The following CLPB variants were observed in gnomAD, a reference collection of about 807,000 sequenced individuals.
CLPB encodes ClpB family mitochondrial disaggregase, also known as mitochondrial disaggregase.
Under a neutral mutation model 78.4 loss-of-function variants are expected in CLPB, and 40 were observed. The ratio of observed to expected loss-of-function variants is 0.51; its 90% CI spans 0.40 to 0.66. The LOEUF (loss-of-function observed/expected upper bound fraction) is 0.66. CLPB is among the 30% of genes least tolerant of loss of function. CLPB has a pLI of 0.00. For missense variants in CLPB, 780 were observed against 886.9 expected (o/e 0.88, Z 1.53); for synonymous variants, 333 against 348.0 (o/e 0.96, Z 0.48).
rs1049729894 is a variant in CLPB at position 72,285,568 on chromosome 11, C to T, written c.*7799G>A. On this transcript the variant is annotated 3_prime_UTR_variant, in exon 16 of 16. Transcript: ENST00000538039. ...ATGTATATTTTAGTATTAAATCATC[C>T]TTTCTAAAACTTGATGTTTTTTCAC... is the stretch of plus-strand genomic sequence containing the variant. 9 of 152,236 alleles carry T rather than the reference C, an allele frequency of 5.9e-5. No individual in the cohort carries two copies. Among genetic ancestry groups the T allele is most frequent in the African/African-American group, 1.7e-4 (7 of 41,546 alleles). 9.4% of individuals were successfully genotyped at this position (152,236 alleles called of 1,614,324 possible). A position where few individuals can be genotyped will look rare whatever the true frequency, so the allele number is the denominator to read the frequency against.
chr11:72,324,761 G>A (rs996763674), intron 6 of CLPB, among the ~76,000 whole-genome samples: 6 of 152,090 alleles, frequency 3.9e-5, no homozygotes, highest in Admixed American at 2.6e-4. Context: ...CCAAGGGGAG[G>A]AAGAACATAA....
At chr11:72,301,751 C>A (rs372519049) in intron 11 of CLPB, 52 bp downstream of exon 11, 12 of 1,578,936 alleles carry the variant, frequency 7.6e-6, no homozygotes, top group Non-Finnish European at 9.5e-6. Context: ...TGTTCACAGT[C>A]CCCCTTATCT....
chr11:72,319,327 A>T (rs1950003866), intron 6 of CLPB, among the ~76,000 whole-genome samples: 1 of 152,226 alleles, frequency 6.6e-6, no homozygotes, highest in African/African-American at 2.4e-5. Context: ...TCCAGTGCCT[A>T]GCAAAGGGCC....
intron 3 of CLPB, among the ~76,000 whole-genome samples, chr11:72,385,710 C>A (rs889905774): frequency 6.6e-6 from 1 of 152,124 alleles, no homozygotes; most frequent in Non-Finnish European, 1.5e-5. Context: ...GTAATCCCAG[C>A]TACTTGGGAG....
At chr11:72,412,341 A>G (rs1185466851) in intron 2 of CLPB, among the ~76,000 whole-genome samples, 1 of 152,228 alleles carries the variant, frequency 6.6e-6, no homozygotes, top group African/African-American at 2.4e-5. Context: ...CAAGGGAGTG[A>G]GAGCAGTGAG....
At chr11:72,383,250 T>C (rs1004186158) in intron 3 of CLPB, among the ~76,000 whole-genome samples, 4 of 151,576 alleles carry the variant, frequency 2.6e-5, no homozygotes, top group Admixed American at 1.3e-4. Context: ...ACAGGCTGGG[T>C]GCGGTGGCTC....
rs374211695 is a variant in CLPB at position 72,293,323 on chromosome 11, C to T, written c.*44G>A. 1.2e-5 allele frequency: 19 copies of T among 1,596,824 alleles called. No homozygotes were observed. In the African/African-American group the frequency reaches 2.1e-4, roughly 18 times the overall value. On this transcript the variant is annotated 3_prime_UTR_variant, in exon 16 of 16. Transcript: ENST00000538039. ...CAGTTGCCATGCCACAGCCAAGGGG[C>T]CTTTATTGGATGGTGAGGGCACATA...
Position 72,368,773 on chromosome 11 carries a change from A to G in CLPB, c.647-9765T>C, listed in dbSNP as rs538723345. ...GACACTGTGTCTTCAACATGTCTTTATCCTTTATATAGAGAAGGCACTCAT... is the reference window on the plus strand; with the variant it reads ...GACACTGTGTCTTCAACATGTCTTTGTCCTTTATATAGAGAAGGCACTCAT... On this transcript the variant is annotated intron_variant, in intron 4 of 15. Transcript: ENST00000538039. 5.9e-5 allele frequency among the ~76,000 whole-genome samples: 9 copies of G among 152,284 alleles called. 1 individual carries two copies. The South Asian group carries it at 1.9e-3, about 32-fold the overall frequency.
intron 4 of CLPB, among the ~76,000 whole-genome samples, chr11:72,377,653 G>C (rs1490623168): frequency 6.8e-6 from 1 of 146,238 alleles, no homozygotes; most frequent in African/African-American, 2.6e-5. Flanking sequence ...GGAAGCAAAG[G>C]GGAAGGGAAG....
At chr11:72,368,946 G>A (rs762676406) in intron 4 of CLPB, among the ~76,000 whole-genome samples, 1 of 152,080 alleles carries the variant, frequency 6.6e-6, no homozygotes, top group African/African-American at 2.4e-5. Context: ...TGTAGCATGG[G>A]GGCTCAGAAT....
intron 4 of CLPB, among the ~76,000 whole-genome samples, chr11:72,363,810 C>T (rs1038416038): frequency 1.3e-5 from 2 of 152,206 alleles, no homozygotes; most frequent in African/African-American, 4.8e-5. Flanking sequence ...TCTGCCAATG[C>T]CCACAGGCCC....
chr11:72,401,333 C>G (rs531221617), intron 3 of CLPB, among the ~76,000 whole-genome samples: 82 of 152,102 alleles, frequency 5.4e-4, no homozygotes, highest in African/African-American at 1.9e-3. Context: ...CCCAGCTACT[C>G]GGGAGGCTGA....
At chr11:72,405,745 G>C (rs541205885) in intron 2 of CLPB, among the ~76,000 whole-genome samples, 3 of 152,164 alleles carry the variant, frequency 2.0e-5, no homozygotes, top group African/African-American at 7.2e-5. Context: ...TGGCTAACAC[G>C]GTGAAACCGC....
intron 3 of CLPB, among the ~76,000 whole-genome samples, chr11:72,394,452 TC>T (rs1490406838): frequency 6.6e-6 from 1 of 151,874 alleles, no homozygotes; most frequent in African/African-American, 2.4e-5. Flanking sequence ...TGCTCTCCTA[TC>T]CCCAACTGCC....
intron 9 of CLPB, chr11:72,303,098 G>A (rs896643475): frequency 6.6e-6 from 1 of 152,248 alleles, no homozygotes; most frequent in Non-Finnish European, 1.5e-5. Flanking sequence ...AGTTAACACA[G>A]GCAGAGTGCC....
At chr11:72,310,231 T>G (rs899472339) in intron 7 of CLPB, among the ~76,000 whole-genome samples, 1 of 152,174 alleles carries the variant, frequency 6.6e-6, no homozygotes, top group Non-Finnish European at 1.5e-5. Context: ...ACTTCTGGCC[T>G]CAGTAGAAAC....
At position 72,380,430 on chromosome 11, in the gene CLPB, CAGG is replaced by C. The variant is rs907477962; in HGVS notation, c.543-49_543-47del. ...AGAAGTGTCAAAAGCAAGAAAGGCCCAGGAGGTACAGACCCAGATCCGGAAGCA... is the reference window on the plus strand; with the variant it reads ...AGAAGTGTCAAAAGCAAGAAAGGCCCAGGTACAGACCCAGATCCGGAAGCA... On this transcript the variant is annotated intron_variant, in intron 3 of 15. Coordinates refer to ENST00000538039, the MANE Select transcript of CLPB (RefSeq NM_001258392.3). The C allele has an allele frequency of 1.2e-5, 18 of 1,468,880 alleles. No individual in the cohort carries two copies. In the African/African-American group the frequency reaches 2.2e-4, roughly 18 times the overall value. The allele number at this position is 1,468,880 out of a possible 1,614,324, so 91.0% of individuals were successfully genotyped here.
At chr11:72,294,299 C>T in intron 14 of CLPB, 26 bp downstream of exon 14, 1 of 1,614,238 alleles carries the variant, frequency 6.2e-7, no homozygotes, top group Non-Finnish European at 8.5e-7. Flanking sequence ...CTATCCCGCC[C>T]CCACCCATGG....
intron 5 of CLPB, among the ~76,000 whole-genome samples, chr11:72,342,070 A>G (rs1950429916): frequency 6.6e-6 from 1 of 152,208 alleles, no homozygotes; most frequent in African/African-American, 2.4e-5. Context: ...ATCAGACATA[A>G]CACTTCCTAG....
Sources: gnomAD v4.1 joint callset for allele counts (sites outside exome capture counted in the v4.1 genomes callset) on GRCh38, gnomAD v4.1.1 for gene constraint, MANE v1.5 for transcripts, NCBI Gene and HGNC (gene_info 2026-07-23, HGNC 2026-07-21) for gene names.